The following PRR29 variants were observed in gnomAD, a reference collection of about 807,000 sequenced individuals.
The protein encoded by PRR29 is proline-rich protein 29.
PRR29 carries 20 observed loss-of-function variants against 25.1 expected under a neutral mutation model. The observed-to-expected ratio is 0.80, with a 90% confidence interval of 0.56 to 1.16. The LOEUF is 1.16. Among genes scored for constraint, PRR29 ranks in the 50% most tolerant of loss-of-function variants. The probability of loss-of-function intolerance (pLI) is 0.00; values close to 1 mark genes in which losing one functional copy is unlikely to be tolerated. For synonymous variants in PRR29, 108 were observed against 102.6 expected (o/e 1.05, Z -0.32); for missense variants, 238 against 246.6 (o/e 0.97, Z 0.23).
chr17:64,001,466 G>C lies in PRR29; in HGVS notation c.471-1G>C. ...GGGTCTTTTTCTTTCCCCCATCTCA[G>C]GAGAGCTGTGCCCCCACCCCCACCC... On this transcript the variant is annotated splice_acceptor_variant, in intron 4 of 5. Coordinates refer to ENST00000412177, the MANE Select transcript of PRR29 (RefSeq NM_001164257.2). LOFTEE classifies it high-confidence loss of function. The C allele has an allele frequency of 6.7e-7, 1 of 1,494,484 alleles. No individual in the cohort carries two copies. The highest frequency in any genetic ancestry group is 1.4e-5 in the African/African-American group (1 of 71,432). The allele number at this position is 1,494,484 out of a possible 1,614,324, so 92.6% of individuals were successfully genotyped here.
At chr17:63,998,669 C>T (rs778213421) in intron 1 of PRR29, 38 bp from the exon 2 acceptor site, 3 of 1,184,932 alleles carry the variant, frequency 2.5e-6, no homozygotes, top group Non-Finnish European at 3.6e-6. Context: ...CCATCCATTC[C>T]CCCCACCCCA....
Position 64,001,948 on chromosome 17 carries a change from G to A in PRR29, c.*187G>A, listed in dbSNP as rs1236681365. 6.5e-7 allele frequency: 1 copy of A among 1,535,068 alleles called. No homozygotes were observed. The highest frequency in any genetic ancestry group is 2.4e-5 in the East Asian group (1 of 40,868). ...CCTGCCCCACGCCAATGAGTTCCTGGACGGGCCGGATCTGTGCTGTTGTGT... is the reference window on the plus strand; with the variant it reads ...CCTGCCCCACGCCAATGAGTTCCTGAACGGGCCGGATCTGTGCTGTTGTGT... On this transcript the variant is annotated 3_prime_UTR_variant, in exon 6 of 6. Transcript: ENST00000412177.
Position 64,002,035 on chromosome 17 carries a change from G to T in PRR29, c.*274G>T. The T allele has an allele frequency of 6.6e-7, 1 of 1,507,904 alleles. No homozygotes were observed. Among genetic ancestry groups the T allele is most frequent in the Non-Finnish European group, 8.9e-7 (1 of 1,125,582 alleles). The allele number at this position is 1,507,904 out of a possible 1,614,324, so 93.4% of individuals were successfully genotyped here. A position where few individuals can be genotyped will look rare whatever the true frequency, so the allele number is the denominator to read the frequency against. Reference sequence around the variant, plus strand: ...CACGTCAGCCCGCCTCTGCCCCACTGCTTCCTGCCTGGAGCAGGGGGAGGC... The same window carrying T: ...CACGTCAGCCCGCCTCTGCCCCACTTCTTCCTGCCTGGAGCAGGGGGAGGC... On this transcript the variant is annotated 3_prime_UTR_variant, in exon 6 of 6. Transcript: ENST00000412177.
At position 64,001,745 on chromosome 17, in the gene PRR29, C is replaced by T; in HGVS notation, c.554C>T (p.Ala185Val). The T allele has an allele frequency of 2.6e-6, 4 of 1,537,094 alleles. No individual in the cohort carries two copies. The highest frequency in any genetic ancestry group is 3.5e-6 in the Non-Finnish European group (4 of 1,146,844). The change falls in exon 6 of 6, where the codon GCC becomes GTC. Residue 185 changes from alanine to valine, a missense_variant. Physicochemically the swap from Ala to Val is moderately conservative, Grantham distance 64. Transcript: ENST00000412177. The stretch of plus-strand genomic sequence containing the variant: ...CTTGTTTCCCCAGACTACTATGATG[C>T]CGAGAGCCTCCTATGAGGACAGACC... ...DVPPASDYYD[A>V]ESLL
chr17:63,998,626 C>T lies in PRR29; in HGVS notation c.61-81C>T. On this transcript the variant is annotated intron_variant, in intron 1 of 5. Coordinates refer to ENST00000412177, the MANE Select transcript of PRR29 (RefSeq NM_001164257.2). ...GGCCCCTGCGGGGTTAGGGAGGCCA[C>T]TGGCCGGGGGGGTTGGGGCTCGCGA... The T allele has an allele frequency of 3.0e-6, 3 of 1,005,402 alleles. 1 individual carries two copies. The highest frequency in any genetic ancestry group is 2.9e-5 in the South Asian group (2 of 68,254). The allele number at this position is 1,005,402 out of a possible 1,614,324, so 62.3% of individuals were successfully genotyped here.
chr17:64,002,177 C>G lies in PRR29; in HGVS notation c.*416C>G, dbSNP rs1304337613. ...GGGGGATTCCTTCTGCTTTCCACAG[C>G]TTTGAAGGCCCCTTTGAGGTGGCTG... On this transcript the variant is annotated 3_prime_UTR_variant, in exon 6 of 6. Transcript: ENST00000412177. The G allele has an allele frequency of 4.3e-6, 3 of 700,580 alleles. No individual in the cohort carries two copies. The highest frequency in any genetic ancestry group is 1.8e-5 in the African/African-American group (1 of 55,798). 43.4% of individuals were successfully genotyped at this position (700,580 alleles called of 1,614,324 possible). A position where few individuals can be genotyped will look rare whatever the true frequency, so the allele number is the denominator to read the frequency against.
chr17:64,002,617 G>T lies in PRR29; in HGVS notation c.*856G>T. ...GGCTAAGTCCAGGTGTTTGTATTCG[G>T]GCTAGAAAAGGCAATGTCCCAAGTC... On this transcript the variant is annotated 3_prime_UTR_variant, in exon 6 of 6. Transcript: ENST00000412177. 1.3e-6 allele frequency: 1 copy of T among 793,160 alleles called. No homozygotes were observed. Among genetic ancestry groups the T allele is most frequent in the Non-Finnish European group, 2.0e-6 (1 of 502,668 alleles). 49.1% of individuals were successfully genotyped at this position (793,160 alleles called of 1,614,324 possible).
At position 64,003,987 on chromosome 17, in the gene PRR29, G is replaced by C; in HGVS notation, c.*2226G>C. ...GCTCTGCAGGGGACAAAGGAGGGAGGTCTGGTCAGGATGGGGGTGCAGTCC... is the reference window on the plus strand; with the variant it reads ...GCTCTGCAGGGGACAAAGGAGGGAGCTCTGGTCAGGATGGGGGTGCAGTCC... On this transcript the variant is annotated 3_prime_UTR_variant, in exon 6 of 6. Transcript: ENST00000412177. 6.4e-7 allele frequency: 1 copy of C among 1,568,548 alleles called. No homozygotes were observed. Among genetic ancestry groups the C allele is most frequent in the Non-Finnish European group, 8.7e-7 (1 of 1,154,214 alleles).
chr17:63,999,164 G>A, intron 3 of PRR29, 90 bp downstream of exon 3: 1 of 968,466 alleles, frequency 1.0e-6, no homozygotes, highest in Non-Finnish European at 1.6e-6. Flanking sequence ...GAAAAGAACT[G>A]GGAGACAGAG....
chr17:63,998,833 C>T, intron 2 of PRR29, 51 bp downstream of exon 2: 2 of 1,131,252 alleles, frequency 1.8e-6, no homozygotes, highest in Non-Finnish European at 2.6e-6. Context: ...CACCACTCAC[C>T]CTCTTCTGCC....
Position 64,001,932 on chromosome 17 carries a change from C to A in PRR29, c.*171C>A. ...CCTGGGGAAATCAGTCCCTGCCCCA[C>A]GCCAATGAGTTCCTGGACGGGCCGG... On this transcript the variant is annotated 3_prime_UTR_variant, in exon 6 of 6. Transcript: ENST00000412177. The A allele has an allele frequency of 1.3e-6, 2 of 1,535,404 alleles. No individual in the cohort carries two copies. The highest frequency in any genetic ancestry group is 1.7e-6 in the Non-Finnish European group (2 of 1,146,590).
chr17:64,001,561 G>C (rs780179874), intron 5 of PRR29, 24 bp downstream of exon 5: 2 of 1,510,636 alleles, frequency 1.3e-6, no homozygotes, highest in Middle Eastern at 1.9e-4. Context: ...GGTGGGCAGC[G>C]GGGCCCAGGC....
In PRR29 at chr17:64,002,839, A is replaced by G. The variant is rs1910880206; in HGVS notation, c.*1078A>G. ...TGGCGCAAGTGCTGGCCGAAGATGAAGCAGAGCAGGACAGATGTCACGAAC... is the reference window on the plus strand; with the variant it reads ...TGGCGCAAGTGCTGGCCGAAGATGAGGCAGAGCAGGACAGATGTCACGAAC... On this transcript the variant is annotated 3_prime_UTR_variant, in exon 6 of 6. Coordinates refer to ENST00000412177, the MANE Select transcript of PRR29 (RefSeq NM_001164257.2). 6.2e-7 allele frequency: 1 copy of G among 1,613,894 alleles called. No homozygotes were observed. The highest frequency in any genetic ancestry group is 1.3e-5 in the African/African-American group (1 of 74,944).
chr17:64,000,700 T>C (rs781227819), intron 3 of PRR29, among the ~76,000 whole-genome samples: 104 of 151,308 alleles, frequency 6.9e-4, no homozygotes, highest in Non-Finnish European at 1.2e-3. Context: ...CCGCCCAGGC[T>C]GGAGTGCAGT....
chr17:64,003,962 G>A lies in PRR29; in HGVS notation c.*2201G>A. 1 of 1,608,250 alleles carries A rather than the reference G, an allele frequency of 6.2e-7. No individual in the cohort carries two copies. Among genetic ancestry groups the A allele is most frequent in the East Asian group, 2.2e-5 (1 of 44,670 alleles). On this transcript the variant is annotated 3_prime_UTR_variant, in exon 6 of 6. Transcript: ENST00000412177. ...AGTGTCAGGATGACCTGCCTTGGAG[G>A]CTCTGCAGGGGACAAAGGAGGGAGG...
chr17:64,003,997 G>A lies in PRR29; in HGVS notation c.*2236G>A. ...GGACAAAGGAGGGAGGTCTGGTCAG[G>A]ATGGGGGTGCAGTCCCAGCAGCCTC... On this transcript the variant is annotated 3_prime_UTR_variant, in exon 6 of 6. Transcript: ENST00000412177. 1 of 1,521,132 alleles carries A rather than the reference G, an allele frequency of 6.6e-7. No individual in the cohort carries two copies. The highest frequency in any genetic ancestry group is 8.9e-7 in the Non-Finnish European group (1 of 1,120,142). The allele number at this position is 1,521,132 out of a possible 1,614,324, so 94.2% of individuals were successfully genotyped here.
Position 64,003,887 on chromosome 17 carries a change from C to G in PRR29, c.*2126C>G. On this transcript the variant is annotated 3_prime_UTR_variant, in exon 6 of 6. Transcript: ENST00000412177. The stretch of plus-strand genomic sequence containing the variant: ...CTGTCCAGGGGCTCCACGGTGGGCA[C>G]CCTGCACTCAATGGTGAAGGACTTG... 6.2e-7 allele frequency: 1 copy of G among 1,614,184 alleles called. No individual in the cohort carries two copies. The highest frequency in any genetic ancestry group is 1.7e-5 in the Admixed American group (1 of 60,024).
chr17:63,998,796 G>GGGCCCCCC lies in PRR29; in HGVS notation c.136+14_136+15insGGCCCCCC. ...GCGTGAAGGAAGGTGAGACTCCCGG[G>GGGCCCCCC]TCCCCCCACCCCACCCCCACCATCA... On this transcript the variant is annotated intron_variant, in intron 2 of 5. Coordinates refer to ENST00000412177, the MANE Select transcript of PRR29 (RefSeq NM_001164257.2). 2.2e-6 allele frequency: 3 copies of GGGCCCCCC among 1,345,592 alleles called. No homozygotes were observed. The highest frequency in any genetic ancestry group is 2.0e-5 in the Admixed American group (1 of 50,242). 83.4% of individuals were successfully genotyped at this position (1,345,592 alleles called of 1,614,324 possible).
At position 64,002,982 on chromosome 17, in the gene PRR29, C is replaced by A; in HGVS notation, c.*1221C>A. On this transcript the variant is annotated 3_prime_UTR_variant, in exon 6 of 6. Transcript: ENST00000412177. ...TCCTGTGATCCCAGTTACCAGGGAC[C>A]AAAAGGGAGTGGAAGTCCACCCCCA... The A allele has an allele frequency of 6.5e-7, 1 of 1,539,120 alleles. No individual in the cohort carries two copies. Among genetic ancestry groups the A allele is most frequent in the South Asian group, 1.2e-5 (1 of 84,688 alleles).
Sources: allele counts gnomAD v4.1 joint callset (sites outside exome capture counted in the v4.1 genomes callset), GRCh38; gene constraint gnomAD v4.1.1; transcripts MANE v1.5; gene names NCBI Gene and HGNC (gene_info 2026-07-23, HGNC 2026-07-21).